CHD2: variants seen among roughly 807,000 people sequenced by gnomAD.
CHD2 encodes the protein ATP-dependent chromatin remodeler CHD2.
CHD2 carries 28 observed loss-of-function variants against 243.9 expected under a neutral mutation model. That is an observed-to-expected ratio of 0.11 (90% CI 0.09 to 0.16). The LOEUF (loss-of-function observed/expected upper bound fraction) is 0.16, where lower values mean the gene tolerates loss of function less well. CHD2 is among the 10% of genes least tolerant of loss of function. The pLI, the probability that CHD2 is intolerant of heterozygous loss-of-function variation, is 1.00. For missense variants in CHD2, 1,386 were observed against 2,209.8 expected (o/e 0.63, Z 7.47); for synonymous variants, 775 against 779.0 (o/e 0.99, Z 0.09).
intron 38 of CHD2, chr15:93,021,685 C>G (rs1272653917): frequency 6.6e-6 from 1 of 152,154 alleles, no homozygotes; most frequent in East Asian, 1.9e-4. Context: ...CATTGTAGTT[C>G]TAAAAGTTCG....
intron 5 of CHD2, among the ~76,000 whole-genome samples, chr15:92,935,463 TA>T (rs1441984931): frequency 6.6e-6 from 1 of 152,218 alleles, no homozygotes; most frequent in Non-Finnish European, 1.5e-5. Flanking sequence ...CTGCTATACT[TA>T]TAGAAGTGGA....
rs760422132 is a variant in CHD2, at chr15:93,002,299, A to C, written c.4260A>C (p.Ser1420=). 10 of 1,597,072 alleles carry C rather than the reference A, an allele frequency of 6.3e-6. No homozygotes were observed. In the Admixed American group the frequency reaches 1.8e-4, roughly 29 times the overall value. Residue 1420 remains serine (S), a synonymous_variant, in exon 33 of 39, where the codon TCA becomes TCC. Transcript: ENST00000394196. ...AAGGGGACAAGGAAAGAAAGAAGTC[A>C]AAAGATAAGAAAGAGAAGGTAATGA... The part of the protein sequence containing the change: ...DKEGDKERKK[S]KDKKEKPKSG...
At chr15:92,920,510 A>C (rs2052934433) in intron 2 of CHD2, among the ~76,000 whole-genome samples, 1 of 152,218 alleles carries the variant, frequency 6.6e-6, no homozygotes, top group Admixed American at 6.5e-5. Context: ...TCCTATCTGC[A>C]GTGCTTCCCA....
chr15:92,944,246 T>C (rs538621292), intron 9 of CHD2, 169 bp from the exon 10 acceptor site: 30 of 461,628 alleles, frequency 6.5e-5, no homozygotes, highest in African/African-American at 5.4e-4. Flanking sequence ...TTTTTTTGTT[T>C]GTTTGTTTTG....
Position 92,996,943 on chromosome 15 carries a change from C to CTGG in CHD2, c.3596-12_3596-10dup. Reference sequence around the variant, plus strand: ...AGATTTTCATTTAACTAATGTGAAACTGGTATTTTTCAGGAAAAGGACCAG... The same window carrying CTGG: ...AGATTTTCATTTAACTAATGTGAAACTGGTGGTATTTTTCAGGAAAAGGACCAG... On this transcript the variant is annotated splice_polypyrimidine_tract_variant and intron_variant, in intron 28 of 38. Transcript: ENST00000394196. The CTGG allele has an allele frequency of 6.3e-7, 1 of 1,594,292 alleles. No homozygotes were observed. Among genetic ancestry groups the CTGG allele is most frequent in the South Asian group, 1.2e-5 (1 of 86,932 alleles).
At chr15:92,903,775 A>G (rs1596361632) in intron 2 of CHD2, among the ~76,000 whole-genome samples, 1 of 152,236 alleles carries the variant, frequency 6.6e-6, no homozygotes, top group Admixed American at 6.5e-5. Flanking sequence ...CCACGGCACC[A>G]CGTTAGCAAT....
chr15:92,942,907 C>T lies in CHD2; in HGVS notation c.891C>T (p.Asp297=), dbSNP rs567353575. 113 of 1,613,992 alleles carry T rather than the reference C, an allele frequency of 7.0e-5. 1 individual carries two copies. The highest frequency in any genetic ancestry group is 2.1e-4 in the African/African-American group (16 of 74,990). ...ATGGCGACCCTAGTGGTGACTTTGA[C>T]ACTGAAAAGGATGAAGGTGAAATCC... ...EANGDPSGDF[D]TEKDEGEIQY... The change falls in exon 9 of 39, where the codon GAC becomes GAT. Residue 297 remains aspartate, a synonymous_variant. Transcript: ENST00000394196.
At chr15:93,012,276 C>A (rs968513886) in intron 35 of CHD2, 69 bp from the exon 36 acceptor site, 22 of 961,070 alleles carry the variant, frequency 2.3e-5, no homozygotes, top group Middle Eastern at 3.2e-4. Flanking sequence ...AGCTTGCCAT[C>A]CATGAAGATC....
At chr15:93,021,452 C>T (rs2054533980) in intron 38 of CHD2, 2 of 152,034 alleles carry the variant, frequency 1.3e-5, no homozygotes, top group Non-Finnish European at 2.9e-5. Context: ...AATATTTTTT[C>T]TGATCCCCCA....
chr15:92,957,423 C>A (rs1332204902), intron 16 of CHD2, among the ~76,000 whole-genome samples: 1 of 152,372 alleles, frequency 6.6e-6, no homozygotes, highest in African/African-American at 2.4e-5. Flanking sequence ...GATTGCCTAA[C>A]CTAAAGTAGC....
chr15:92,914,546 C>T (rs929807962), intron 2 of CHD2, among the ~76,000 whole-genome samples: 3 of 152,198 alleles, frequency 2.0e-5, no homozygotes, highest in Admixed American at 1.3e-4. Flanking sequence ...CTGGCTTCAG[C>T]TGTGAATTTT....
chr15:93,007,826 A>G (rs767843917), intron 34 of CHD2, among the ~76,000 whole-genome samples: 2 of 152,096 alleles, frequency 1.3e-5, no homozygotes, highest in Non-Finnish European at 2.9e-5. Flanking sequence ...TTTCTGGGAG[A>G]TTGCTTCAAC....
Position 93,027,391 on chromosome 15 carries a change from C to T in CHD2, c.*2686C>T, listed in dbSNP as rs951323113. 3.9e-5 allele frequency: 6 copies of T among 152,180 alleles called. No individual in the cohort carries two copies. The highest frequency in any genetic ancestry group is 2.9e-5 in the Non-Finnish European group (2 of 68,028). The allele number at this position is 152,180 out of a possible 1,614,324, so 9.4% of individuals were successfully genotyped here. On this transcript the variant is annotated 3_prime_UTR_variant, in exon 39 of 39. Transcript: ENST00000394196. ...AAGGGTTGACATGATACACTATGGC[C>T]TTAGAAAAGGGCCAGGTGAAACCCC...
chr15:92,909,745 G>T (rs1011742973), intron 2 of CHD2, among the ~76,000 whole-genome samples: 1 of 151,984 alleles, frequency 6.6e-6, no homozygotes, highest in African/African-American at 2.4e-5. Context: ...GCCCAGGCTG[G>T]TCTCTAATTC....
chr15:92,905,086 A>G (rs565394084), intron 2 of CHD2: 28 of 1,281,076 alleles, frequency 2.2e-5, no homozygotes, highest in East Asian at 1.0e-4. Flanking sequence ...TTCACGTTCA[A>G]TAACATTAAA....
At chr15:92,978,439 T>C in intron 21 of CHD2, 56 bp downstream of exon 21, 2 of 1,534,454 alleles carry the variant, frequency 1.3e-6, no homozygotes, top group South Asian at 2.3e-5. Flanking sequence ...AGGGGGCTTG[T>C]TCAGCCCTTT....
At chr15:92,976,745 T>G (rs1294437105) in intron 20 of CHD2, among the ~76,000 whole-genome samples, 1 of 151,428 alleles carries the variant, frequency 6.6e-6, no homozygotes, top group East Asian at 1.9e-4. Flanking sequence ...TACAAAAAAT[T>G]AAAAAATGAG....
chr15:92,965,641 C>T (rs142423517), intron 16 of CHD2, among the ~76,000 whole-genome samples: 2,511 of 147,486 alleles, frequency 0.017, 32 homozygotes, highest in Middle Eastern at 0.029. Context: ...ATAGCCCACA[C>T]AGTCATTGTT....
chr15:92,972,420 A>G lies in CHD2; in HGVS notation c.2505+3A>G, dbSNP rs1567147444. 1.3e-6 allele frequency: 2 copies of G among 1,583,870 alleles called. No homozygotes were observed. The highest frequency in any genetic ancestry group is 4.6e-5 in the East Asian group (2 of 43,646). Reference sequence around the variant, plus strand: ...CTATTAAACACTATCCTTTCCAGGTAAGGTGATTTCAGTAATTGCTGTGGG... The same window carrying G: ...CTATTAAACACTATCCTTTCCAGGTGAGGTGATTTCAGTAATTGCTGTGGG... On this transcript the variant is annotated splice_donor_region_variant and intron_variant, in intron 19 of 38. Coordinates refer to ENST00000394196, the MANE Select transcript of CHD2 (RefSeq NM_001271.4).
Sources: gnomAD v4.1 joint callset for allele counts (sites outside exome capture counted in the v4.1 genomes callset) on GRCh38, gnomAD v4.1.1 for gene constraint, MANE v1.5 for transcripts, NCBI Gene and HGNC (gene_info 2026-07-23, HGNC 2026-07-21) for gene names.